Variants in OSBPL6 observed in about 807,000 individuals in gnomAD.
OSBPL6 encodes the protein oxysterol-binding protein-related protein 6.
Under a neutral mutation model 125.8 loss-of-function variants are expected in OSBPL6, and 49 were observed. The ratio of observed to expected loss-of-function variants is 0.39; its 90% confidence interval spans 0.31 to 0.49. The LOEUF is 0.49. OSBPL6 is among the 20% of genes least tolerant of loss of function. OSBPL6 has a pLI of 0.88. For synonymous variants in OSBPL6, 394 were observed against 391.8 expected (o/e 1.01, Z -0.07); for missense variants, 986 against 1,135.4 (o/e 0.87, Z 1.89).
At chr2:178,369,416 C>A (rs1693167909) in intron 13 of OSBPL6, among the ~76,000 whole-genome samples, 1 of 152,172 alleles carries the variant, frequency 6.6e-6, no homozygotes, top group South Asian at 2.1e-4. Flanking sequence ...ATTCTGGACA[C>A]TAGTTGATCT....
chr2:178,276,742 T>C (rs333995), intron 1 of OSBPL6, among the ~76,000 whole-genome samples: 52,334 of 151,064 alleles, frequency 0.35, 9,270 homozygotes, highest in African/African-American at 0.37. Flanking sequence ...TCCTCAGAAC[T>C]TCTTCATTTT....
chr2:178,254,600 T>C (rs530104229), intron 1 of OSBPL6, among the ~76,000 whole-genome samples: 58 of 152,334 alleles, frequency 3.8e-4, no homozygotes, highest in Admixed American at 3.7e-3. Context: ...AGATGTCCTG[T>C]ATTTTGTTTG....
At chr2:178,229,515 T>C (rs545559575) in intron 1 of OSBPL6, among the ~76,000 whole-genome samples, 2 of 152,222 alleles carry the variant, frequency 1.3e-5, no homozygotes, top group African/African-American at 4.8e-5. Flanking sequence ...AGCATTAGCA[T>C]CACCTGGGAA....
chr2:178,343,712 C>G (rs1690433589), intron 11 of OSBPL6, among the ~76,000 whole-genome samples: 1 of 152,124 alleles, frequency 6.6e-6, no homozygotes. Flanking sequence ...AATCCCAGCA[C>G]TCTTACTGAT....
At chr2:178,240,452 C>G (rs1325019961) in intron 1 of OSBPL6, among the ~76,000 whole-genome samples, 1 of 152,144 alleles carries the variant, frequency 6.6e-6, no homozygotes, top group East Asian at 1.9e-4. Flanking sequence ...ACCGTAGTTT[C>G]AGCTACTAGG....
intron 1 of OSBPL6, among the ~76,000 whole-genome samples, chr2:178,256,752 A>G (rs1433908823): frequency 1.3e-5 from 2 of 152,206 alleles, no homozygotes; most frequent in Non-Finnish European, 2.9e-5. Context: ...TTTTCTTATA[A>G]GTATGTTTTT....
At position 178,324,368 on chromosome 2, in the gene OSBPL6, T is replaced by C. The variant is rs573383051; in HGVS notation, c.195+99T>C. ...TTTACACCTGACTCCCCTAAAATAC[T>C]TGTGATGCCACTTGTAGGCAACTCT... is the stretch of plus-strand genomic sequence containing the variant. On this transcript the variant is annotated intron_variant, in intron 4 of 24. Transcript: ENST00000190611. 40 of 822,166 alleles carry C rather than the reference T, an allele frequency of 4.9e-5. No homozygotes were observed. The African/African-American group carries it at 6.5e-4, about 13-fold the overall frequency. The allele number at this position is 822,166 out of a possible 1,614,324, so 50.9% of individuals were successfully genotyped here. A position where few individuals can be genotyped will look rare whatever the true frequency, so the allele number is the denominator to read the frequency against.
At chr2:178,209,439 C>CTTTTTTTTTT (rs71850875) in intron 1 of OSBPL6, among the ~76,000 whole-genome samples, 6 of 95,750 alleles carry the variant, frequency 6.3e-5, no homozygotes, top group African/African-American at 1.6e-4. Context: ...TTCTTTCTTT[C>CTTTTTTTTTT]TTTTTTTTTT....
intron 1 of OSBPL6, among the ~76,000 whole-genome samples, chr2:178,211,128 A>G (rs1559119866): frequency 6.6e-6 from 1 of 152,092 alleles, no homozygotes; most frequent in Non-Finnish European, 1.5e-5. Flanking sequence ...AAACTTAGCC[A>G]TGTGTGGTGG....
chr2:178,375,410 GTTGTTTTTGTTTTTGT>G lies in OSBPL6; in HGVS notation c.1533+1397_1533+1412del, dbSNP rs559463833. Among the ~76,000 whole-genome samples the G allele has an allele frequency of 1.1e-3, 165 of 152,002 alleles. 1 individual carries two copies. Among genetic ancestry groups the G allele is most frequent in the Admixed American group, 7.7e-3 (118 of 15,254 alleles). On this transcript the variant is annotated intron_variant, in intron 15 of 24. Transcript: ENST00000190611. ...CCTTCATCCTTCTTTTTTTGTTGTT[GTTGTTTTTGTTTTTGT>G]TTGTTTTTGTTTTGAGACAGAGTTT...
At chr2:178,228,945 C>T (rs2090694004) in intron 1 of OSBPL6, among the ~76,000 whole-genome samples, 1 of 152,104 alleles carries the variant, frequency 6.6e-6, no homozygotes, top group African/African-American at 2.4e-5. Flanking sequence ...AAAAGAATAC[C>T]TGAGACTAGG....
intron 14 of OSBPL6, 32 bp from the exon 15 acceptor site, chr2:178,373,858 G>A (rs1559307852): frequency 1.9e-6 from 3 of 1,610,884 alleles, no homozygotes; most frequent in Non-Finnish European, 2.5e-6. Context: ...AGGGAGAAAA[G>A]CAATTACACT....
At chr2:178,302,433 A>G (rs1405825451) in intron 2 of OSBPL6, among the ~76,000 whole-genome samples, 1 of 152,148 alleles carries the variant, frequency 6.6e-6, no homozygotes, top group East Asian at 1.9e-4. Flanking sequence ...AGCAGTTCCT[A>G]CACTCTAAAG....
intron 1 of OSBPL6, among the ~76,000 whole-genome samples, chr2:178,232,334 C>T (rs1411025006): frequency 6.6e-6 from 1 of 152,016 alleles, no homozygotes; most frequent in Non-Finnish European, 1.5e-5. Flanking sequence ...CCTTGACTTC[C>T]AGGAAGTAAA....
chr2:178,257,137 A>G (rs983569559), intron 1 of OSBPL6, among the ~76,000 whole-genome samples: 7 of 152,204 alleles, frequency 4.6e-5, no homozygotes, highest in Admixed American at 1.3e-4. Context: ...ATTACCCCCA[A>G]TGTAATTCTG....
intron 12 of OSBPL6, among the ~76,000 whole-genome samples, chr2:178,352,500 G>A (rs771126667): frequency 6.6e-6 from 1 of 152,176 alleles, no homozygotes; most frequent in African/African-American, 2.4e-5. Context: ...ACGGCAGTCT[G>A]AGATCGAACT....
intron 2 of OSBPL6, among the ~76,000 whole-genome samples, chr2:178,291,792 G>GCCATCCATCCAT (rs371679590): frequency 0.41 from 47,327 of 116,302 alleles, 8,159 homozygotes; most frequent in East Asian, 0.49. Context: ...CTTCCTGCCT[G>GCCATCCATCCAT]CCATCCATCC....
intron 1 of OSBPL6, among the ~76,000 whole-genome samples, chr2:178,268,135 T>C (rs969304868): frequency 1.3e-5 from 2 of 150,938 alleles, no homozygotes; most frequent in Non-Finnish European, 2.9e-5. Context: ...CAGGCTAGAG[T>C]GCAATGATGT....
chr2:178,209,551 C>T (rs903065310), intron 1 of OSBPL6, among the ~76,000 whole-genome samples: 1 of 151,068 alleles, frequency 6.6e-6, no homozygotes, highest in East Asian at 2.0e-4. Flanking sequence ...AGGGAAACCT[C>T]GGTGTCCTCC....
Sources: gnomAD v4.1 joint callset for allele counts (sites outside exome capture counted in the v4.1 genomes callset) on GRCh38, gnomAD v4.1.1 for gene constraint, MANE v1.5 for transcripts, NCBI Gene and HGNC (gene_info 2026-07-23, HGNC 2026-07-21) for gene names.